Variants in NTM observed in about 807,000 individuals in gnomAD.
NTM encodes the protein IgLON family member 2.
NTM carries 13 observed loss-of-function variants against 42.1 expected under a neutral mutation model. The observed-to-expected ratio is 0.31, with a 90% CI of 0.20 to 0.49. The LOEUF (loss-of-function observed/expected upper bound fraction) is 0.49, where lower values mean the gene tolerates loss of function less well. NTM is among the 20% of genes least tolerant of loss of function. NTM has a pLI of 0.99. For synonymous variants in NTM, 187 were observed against 179.2 expected (o/e 1.04, Z -0.35); for missense variants, 373 against 452.8 (o/e 0.82, Z 1.60).
intron 1 of NTM, among the ~76,000 whole-genome samples, chr11:131,624,778 A>T (rs1253578668): frequency 6.6e-6 from 1 of 152,194 alleles, no homozygotes; most frequent in Non-Finnish European, 1.5e-5. Flanking sequence ...TCTTTGGTTC[A>T]TGCTTCAGTT....
chr11:131,668,139 T>C (rs893347468), intron 1 of NTM, among the ~76,000 whole-genome samples: 2 of 152,172 alleles, frequency 1.3e-5, no homozygotes, highest in African/African-American at 4.8e-5. Flanking sequence ...CTCATGCCAA[T>C]GGAACACGAG....
At chr11:131,504,016 A>T (rs1195364123) in intron 1 of NTM, among the ~76,000 whole-genome samples, 1 of 152,168 alleles carries the variant, frequency 6.6e-6, no homozygotes, top group East Asian at 1.9e-4. Context: ...ATGGCCTTAT[A>T]AGAATTGGAT....
intron 1 of NTM, among the ~76,000 whole-genome samples, chr11:131,821,489 C>T (rs915338901): frequency 4.6e-5 from 7 of 152,216 alleles, no homozygotes; most frequent in African/African-American, 9.6e-5. Context: ...TTTGCATTCT[C>T]ATGCTCACTA....
chr11:132,125,399 T>C (rs986276487), intron 2 of NTM, among the ~76,000 whole-genome samples: 20 of 144,508 alleles, frequency 1.4e-4, no homozygotes, highest in Non-Finnish European at 2.1e-4. Flanking sequence ...TGGTATGTGG[T>C]ATGTAGTGTG....
chr11:132,286,862 TC>T (rs1183376157), intron 4 of NTM, among the ~76,000 whole-genome samples: 1 of 152,186 alleles, frequency 6.6e-6, no homozygotes, highest in African/African-American at 2.4e-5. Flanking sequence ...GTTCGCAGGA[TC>T]CCTGAGAACC....
chr11:132,025,470 A>T (rs1212066604), intron 2 of NTM, among the ~76,000 whole-genome samples: 1 of 152,144 alleles, frequency 6.6e-6, no homozygotes, highest in African/African-American at 2.4e-5. Flanking sequence ...ATCACTTGGG[A>T]ACTAGTTAGA....
At chr11:131,504,874 C>T (rs930693067) in intron 1 of NTM, among the ~76,000 whole-genome samples, 4 of 152,148 alleles carry the variant, frequency 2.6e-5, no homozygotes, top group African/African-American at 9.7e-5. Context: ...GAAGCTTTCT[C>T]TCCTCTTTTG....
chr11:131,425,843 G>A (rs1472780715), intron 1 of NTM, among the ~76,000 whole-genome samples: 4 of 151,844 alleles, frequency 2.6e-5, no homozygotes, highest in African/African-American at 9.7e-5. Context: ...TGGGTCTTTC[G>A]GTAAGTTCTT....
At chr11:131,997,539 C>T (rs1287388705) in intron 2 of NTM, among the ~76,000 whole-genome samples, 2 of 152,170 alleles carry the variant, frequency 1.3e-5, no homozygotes, top group Non-Finnish European at 2.9e-5. Context: ...GGTTTGCAGG[C>T]ATAGCACAGG....
chr11:132,162,358 G>A (rs996714651), intron 3 of NTM, among the ~76,000 whole-genome samples: 2 of 151,526 alleles, frequency 1.3e-5, no homozygotes, highest in African/African-American at 2.4e-5. Flanking sequence ...TGGGGCATGT[G>A]GGGGGGACTG....
At chr11:131,681,976 A>T (rs2073026463) in intron 1 of NTM, among the ~76,000 whole-genome samples, 1 of 152,010 alleles carries the variant, frequency 6.6e-6, no homozygotes, top group Non-Finnish European at 1.5e-5. Flanking sequence ...GTGAAAAGCA[A>T]TTGGTAGGCT....
intron 1 of NTM, among the ~76,000 whole-genome samples, chr11:131,531,868 G>A (rs942112300): frequency 2.6e-5 from 4 of 152,132 alleles, no homozygotes; most frequent in African/African-American, 9.7e-5. Flanking sequence ...GATAGGGAAC[G>A]GCATTTCAGA....
Position 132,066,647 on chromosome 11 carries a change from C to T in NTM, c.168-79635C>T, listed in dbSNP as rs184837570. 1.5e-3 allele frequency among the ~76,000 whole-genome samples: 232 copies of T among 152,212 alleles called. 1 individual carries two copies. The highest frequency in any genetic ancestry group is 3.2e-4 in the Non-Finnish European group (22 of 68,014). Reference sequence around the variant, plus strand: ...ATCTCTTCTTTCTTCCAGTGGCTTCCGGTATTCTTTGGATTGATACATTAT... The same window carrying T: ...ATCTCTTCTTTCTTCCAGTGGCTTCTGGTATTCTTTGGATTGATACATTAT... On this transcript the variant is annotated intron_variant, in intron 2 of 8. Transcript: ENST00000683400.
In NTM at chr11:131,424,600, C is replaced by CTTTTTTTTTTTTTTT. The variant is rs769740331; in HGVS notation, c.82+53716_82+53730dup. 8.2e-4 allele frequency among the ~76,000 whole-genome samples: 46 copies of CTTTTTTTTTTTTTTT among 56,036 alleles called. 6 individuals carry two copies. Among genetic ancestry groups the CTTTTTTTTTTTTTTT allele is most frequent in the African/African-American group, 2.3e-3 (31 of 13,754 alleles). The allele number at this position is 56,036 out of a possible 152,430, so 36.8% of individuals were successfully genotyped here. ...AGTTGTTTTTTATTTCTTTTCTTTT[C>CTTTTTTTTTTTTTTT]TTTTTTTTTTTTTTTTTTGGCGCAA... On this transcript the variant is annotated intron_variant, in intron 1 of 8. Transcript: ENST00000683400.
At chr11:131,662,473 T>G (rs1219869004) in intron 1 of NTM, 1 of 152,188 alleles carries the variant, frequency 6.6e-6, no homozygotes, top group Non-Finnish European at 1.5e-5. Context: ...GAGCAAGGGC[T>G]TTACACCACC....
intron 3 of NTM, among the ~76,000 whole-genome samples, chr11:132,192,295 C>T (rs1057311519): frequency 5.3e-5 from 8 of 152,168 alleles, no homozygotes; most frequent in Non-Finnish European, 1.5e-5. Flanking sequence ...AATAGAACCT[C>T]ATCAGGCAAA....
chr11:132,015,487 T>C (rs760208378), intron 2 of NTM, among the ~76,000 whole-genome samples: 1 of 151,922 alleles, frequency 6.6e-6, no homozygotes, highest in Admixed American at 6.6e-5. Flanking sequence ...TTGGGTAGTA[T>C]GGTGGTTTTA....
chr11:131,739,561 T>C (rs2080917086), intron 1 of NTM, among the ~76,000 whole-genome samples: 1 of 152,212 alleles, frequency 6.6e-6, no homozygotes, highest in Non-Finnish European at 1.5e-5. Flanking sequence ...CCTATGTGCA[T>C]GCTCTGTCCT....
intron 1 of NTM, among the ~76,000 whole-genome samples, chr11:131,563,427 T>C (rs957412153): frequency 6.6e-6 from 1 of 152,176 alleles, no homozygotes; most frequent in African/African-American, 2.4e-5. Flanking sequence ...CTTCCTATTT[T>C]ACCATCATCC....
Sources: allele counts gnomAD v4.1 joint callset (sites outside exome capture counted in the v4.1 genomes callset), GRCh38; gene constraint gnomAD v4.1.1; transcripts MANE v1.5; gene names NCBI Gene and HGNC (gene_info 2026-07-23, HGNC 2026-07-21).